The following CNTN4 variants were observed in gnomAD, a reference collection of about 807,000 sequenced individuals.
CNTN4 encodes the protein contactin-4.
A neutral mutation model predicts 122.5 loss-of-function variants in CNTN4; 77 were observed. The ratio of observed to expected loss-of-function variants is 0.63; its 90% confidence interval spans 0.52 to 0.76. The LOEUF is 0.76. Among genes scored for constraint, CNTN4 ranks in the 30% least tolerant of loss-of-function variants. CNTN4 has a pLI of 0.00. For synonymous variants in CNTN4, 512 were observed against 447.0 expected (o/e 1.15, Z -1.83); for missense variants, 1,256 against 1,259.1 (o/e 1.00, Z 0.04).
intron 2 of CNTN4, among the ~76,000 whole-genome samples, chr3:2,129,069 A>G (rs1275544381): frequency 1.3e-5 from 2 of 152,162 alleles, no homozygotes; most frequent in East Asian, 3.8e-4. Flanking sequence ...TTTTTCTTTC[A>G]TAATATATTA....
intron 2 of CNTN4, among the ~76,000 whole-genome samples, chr3:2,210,124 C>T (rs575785347): frequency 4.6e-5 from 7 of 152,060 alleles, no homozygotes; most frequent in African/African-American, 1.2e-4. Context: ...ATGTTGTTCA[C>T]CAGAGTCTTG....
At chr3:2,924,857 T>C (rs1051791597) in intron 12 of CNTN4, among the ~76,000 whole-genome samples, 13 of 152,128 alleles carry the variant, frequency 8.5e-5, no homozygotes, top group African/African-American at 3.1e-4. Context: ...GCATGTTCTC[T>C]AATAGAGATA....
intron 3 of CNTN4, among the ~76,000 whole-genome samples, chr3:2,473,343 C>G (rs2075746530): frequency 6.6e-6 from 1 of 152,018 alleles, no homozygotes; most frequent in Non-Finnish European, 1.5e-5. Context: ...CACCTGGACT[C>G]TACCTCACTC....
intron 10 of CNTN4, among the ~76,000 whole-genome samples, chr3:2,893,366 G>T (rs1215422523): frequency 6.6e-6 from 1 of 152,164 alleles, no homozygotes; most frequent in Non-Finnish European, 1.5e-5. Context: ...ATTCAGCCCT[G>T]CAAAGAAGCT....
intron 3 of CNTN4, among the ~76,000 whole-genome samples, chr3:2,559,569 AG>A (rs2078860256): frequency 6.6e-6 from 1 of 152,058 alleles, no homozygotes; most frequent in South Asian, 2.1e-4. Context: ...TAAGTACTCA[AG>A]AAAAAAAGAA....
chr3:2,650,168 T>C (rs1252486911), intron 4 of CNTN4, among the ~76,000 whole-genome samples: 1 of 151,546 alleles, frequency 6.6e-6, no homozygotes, highest in Non-Finnish European at 1.5e-5. Context: ...TACCAGGATT[T>C]TGGAAATTGA....
At chr3:2,202,246 T>C (rs556003839) in intron 2 of CNTN4, among the ~76,000 whole-genome samples, 92 of 152,314 alleles carry the variant, frequency 6.0e-4, no homozygotes, top group African/African-American at 2.1e-3. Flanking sequence ...AAAAAGTGTG[T>C]ATTTTCAAGG....
intron 2 of CNTN4, among the ~76,000 whole-genome samples, chr3:2,124,883 A>T (rs553134955): frequency 3.4e-4 from 52 of 152,338 alleles, no homozygotes; most frequent in Admixed American, 1.2e-3. Context: ...GCATGAGACA[A>T]TCAGTACAAT....
At chr3:2,099,458 C>A (rs749796146) in intron 1 of CNTN4, 2 of 152,564 alleles carry the variant, frequency 1.3e-5, no homozygotes, top group Non-Finnish European at 2.9e-5. Context: ...CAGTCACAGC[C>A]CGCAGCAGAG....
intron 6 of CNTN4, among the ~76,000 whole-genome samples, chr3:2,756,727 AC>A (rs1365421791): frequency 6.6e-6 from 1 of 152,184 alleles, no homozygotes; most frequent in Non-Finnish European, 1.5e-5. Context: ...AGACTATGTT[AC>A]CATGGAGGCA....
chr3:2,852,943 G>A (rs1002521672), intron 7 of CNTN4, among the ~76,000 whole-genome samples: 4 of 152,144 alleles, frequency 2.6e-5, no homozygotes, highest in Non-Finnish European at 4.4e-5. Context: ...AATTACAAGA[G>A]TCATTGGGAA....
chr3:2,110,986 A>G (rs1179089063), intron 2 of CNTN4, among the ~76,000 whole-genome samples: 1 of 152,324 alleles, frequency 6.6e-6, no homozygotes, highest in African/African-American at 2.4e-5. Context: ...GTAGTACAAT[A>G]AACTTCATTC....
At chr3:2,557,052 T>C (rs2078749013) in intron 3 of CNTN4, among the ~76,000 whole-genome samples, 1 of 152,348 alleles carries the variant, frequency 6.6e-6, no homozygotes, top group Non-Finnish European at 1.5e-5. Flanking sequence ...TGATTTTCTT[T>C]GTCCTTTGCC....
chr3:2,968,623 C>A (rs1203838414), intron 13 of CNTN4, among the ~76,000 whole-genome samples: 1 of 152,138 alleles, frequency 6.6e-6, no homozygotes, highest in African/African-American at 2.4e-5. Context: ...CAAGAAGAGT[C>A]CACCACTACT....
chr3:2,400,797 T>C (rs1010028053), intron 3 of CNTN4, among the ~76,000 whole-genome samples: 13 of 151,526 alleles, frequency 8.6e-5, no homozygotes, highest in African/African-American at 2.9e-4. Flanking sequence ...TGGATTATGC[T>C]GTGCATAATA....
chr3:2,729,781 G>A (rs2088540098), intron 4 of CNTN4, among the ~76,000 whole-genome samples: 1 of 151,746 alleles, frequency 6.6e-6, no homozygotes, highest in South Asian at 2.1e-4. Flanking sequence ...AGGTGTGTTG[G>A]CACGCGCCTG....
intron 2 of CNTN4, among the ~76,000 whole-genome samples, chr3:2,200,947 C>G (rs1425148077): frequency 6.6e-6 from 1 of 152,102 alleles, no homozygotes; most frequent in Non-Finnish European, 1.5e-5. Flanking sequence ...ATAAAATTCA[C>G]TAGAAATGAG....
intron 4 of CNTN4, among the ~76,000 whole-genome samples, chr3:2,717,312 T>C (rs1463201399): frequency 6.6e-6 from 1 of 152,098 alleles, no homozygotes; most frequent in African/African-American, 2.4e-5. Context: ...TATTTCCTTC[T>C]GGGAATCTGG....
chr3:3,040,239 G>T lies in CNTN4; in HGVS notation c.2366G>T (p.Ser789Ile), dbSNP rs1700025504. 1 of 1,614,098 alleles carries T rather than the reference G, an allele frequency of 6.2e-7. No individual in the cohort carries two copies. The change falls in exon 20 of 25, where the codon AGT becomes ATT. Residue 789 changes from serine to isoleucine, a missense_variant. Transcript: ENST00000418658. Reference protein sequence around the residue: ...VFNNKGEGPFSPTTVVYSAEE... With the variant: ...VFNNKGEGPFIPTTVVYSAEE... The stretch of plus-strand genomic sequence containing the variant: ...AACAACAAAGGAGAAGGCCCTTTCA[G>T]TCCCACCACGGTGGTGTATTCTGCA...
Sources: allele counts gnomAD v4.1 joint callset (sites outside exome capture counted in the v4.1 genomes callset), GRCh38; gene constraint gnomAD v4.1.1; transcripts MANE v1.5; gene names NCBI Gene and HGNC (gene_info 2026-07-23, HGNC 2026-07-21).